Variants in FGD6 observed in about 807,000 individuals in gnomAD.
The protein encoded by FGD6 is FYVE, RhoGEF and PH domain-containing protein 6.
FGD6 carries 90 observed loss-of-function variants against 149.4 expected under a neutral mutation model. That is an observed-to-expected ratio of 0.60 (90% CI 0.51 to 0.72). The LOEUF is 0.72. Among genes scored for constraint, FGD6 ranks in the 30% least tolerant of loss-of-function variants. The pLI is 0.00. For missense variants in FGD6, 1,437 were observed against 1,684.8 expected, an observed-to-expected ratio of 0.85 and a Z score of 2.57; for synonymous variants, 527 against 584.0, an observed-to-expected ratio of 0.90 and a Z score of 1.41.
At position 95,125,754 on chromosome 12, in the gene FGD6, G is replaced by A. The variant is rs185764898; in HGVS notation, c.3082+8985C>T. On this transcript the variant is annotated intron_variant, in intron 8 of 20. Transcript: ENST00000343958. ...AATGAATTCCTTCTCACCGACTGCC[G>A]CCAATATGGTGTTCAGGCACTTCAT... 2.7e-4 allele frequency: 180 copies of A among 658,818 alleles called. 2 individuals are homozygous for A. The Admixed American group carries it at 3.6e-3, about 13-fold the overall frequency. 40.8% of individuals were successfully genotyped at this position (658,818 alleles called of 1,614,324 possible).
intron 1 of FGD6, among the ~76,000 whole-genome samples, chr12:95,212,734 T>C (rs145489869): frequency 2.6e-5 from 4 of 152,332 alleles, no homozygotes; most frequent in East Asian, 1.9e-4. Flanking sequence ...GATATTTCAT[T>C]TGGTGATGAC....
At chr12:95,154,044 CT>C (rs892363466) in intron 3 of FGD6, among the ~76,000 whole-genome samples, 11 of 152,024 alleles carry the variant, frequency 7.2e-5, no homozygotes, top group African/African-American at 2.7e-4. Flanking sequence ...ACTGCAACCT[CT>C]GCCTCCGGGG....
chr12:95,141,040 G>A (rs1354991716), intron 6 of FGD6, among the ~76,000 whole-genome samples: 1 of 152,002 alleles, frequency 6.6e-6, no homozygotes, highest in Non-Finnish European at 1.5e-5. Context: ...TGGCCAACAC[G>A]GTGAAACCTC....
intron 16 of FGD6, among the ~76,000 whole-genome samples, 186 bp from the exon 17 acceptor site, chr12:95,091,995 C>T (rs527508980): frequency 2.0e-5 from 3 of 152,264 alleles, no homozygotes; most frequent in Admixed American, 2.0e-4. Flanking sequence ...TAGTACCACA[C>T]TTGAAAGATG....
At chr12:95,149,789 A>G (rs909927930) in intron 5 of FGD6, among the ~76,000 whole-genome samples, 2 of 142,528 alleles carry the variant, frequency 1.4e-5, no homozygotes, top group African/African-American at 5.3e-5. Context: ...ATAGTATATT[A>G]TATGATATAT....
At chr12:95,149,438 TTA>T (rs1880225116) in intron 5 of FGD6, among the ~76,000 whole-genome samples, 1 of 129,568 alleles carries the variant, frequency 7.7e-6, no homozygotes, top group Admixed American at 9.8e-5. Context: ...ATAGCATATA[TTA>T]TATATAATAC....
intron 2 of FGD6, among the ~76,000 whole-genome samples, chr12:95,176,363 AAAGG>A (rs1466616892): frequency 6.6e-6 from 1 of 152,224 alleles, no homozygotes; most frequent in African/African-American, 2.4e-5. Context: ...TTTGTGGGGT[AAAGG>A]AACAGGACAT....
At chr12:95,099,119 C>T (rs148462100) in intron 14 of FGD6, among the ~76,000 whole-genome samples, 559 of 152,310 alleles carry the variant, frequency 3.7e-3, no homozygotes, top group African/African-American at 6.3e-3. Context: ...TTAAGTGGTC[C>T]GCCTGCCTTG....
At chr12:95,138,468 C>T (rs182331645) in intron 6 of FGD6, among the ~76,000 whole-genome samples, 42 of 151,054 alleles carry the variant, frequency 2.8e-4, no homozygotes, top group Middle Eastern at 3.4e-3. Flanking sequence ...CGCTTGAACC[C>T]GGTAGGTAGA....
chr12:95,094,664 T>C lies in FGD6; in HGVS notation c.3528A>G (p.Glu1176=). Reference sequence around the variant, plus strand: ...ACTCTTCTATTGCCCTGGAAATCGCTTCTAGCCATTCATCCCTTTCTGTGG... The same window carrying C: ...ACTCTTCTATTGCCCTGGAAATCGCCTCTAGCCATTCATCCCTTTCTGTGG... ...SSATERDEWL[E]AISRAIEEYA... Residue 1176 remains glutamate (E), a synonymous_variant, in exon 15 of 21, where the codon GAA becomes GAG. Coordinates refer to ENST00000343958, the MANE Select transcript of FGD6 (RefSeq NM_018351.4). 6.2e-7 allele frequency: 1 copy of C among 1,613,828 alleles called. No individual in the cohort carries two copies. Among genetic ancestry groups the C allele is most frequent in the Non-Finnish European group, 8.5e-7 (1 of 1,179,968 alleles).
intron 2 of FGD6, among the ~76,000 whole-genome samples, chr12:95,195,321 A>C (rs1022978929): frequency 2.6e-5 from 4 of 152,174 alleles, no homozygotes; most frequent in Non-Finnish European, 5.9e-5. Context: ...TCTCTGCCAA[A>C]GAATACTGGC....
chr12:95,095,906 CAG>C (rs1225733184), intron 14 of FGD6, among the ~76,000 whole-genome samples: 5 of 151,620 alleles, frequency 3.3e-5, no homozygotes, highest in African/African-American at 9.7e-5. Context: ...CCCAGCTACT[CAG>C]GGGGCTGAGG....
rs774961606 is a variant in FGD6, at chr12:95,209,614, A to C, written c.1670T>G (p.Met557Arg). 1 of 1,613,746 alleles carries C rather than the reference A, an allele frequency of 6.2e-7. No individual in the cohort carries two copies. Among genetic ancestry groups the C allele is most frequent in the Admixed American group, 1.7e-5 (1 of 59,892 alleles). Residue 557 changes from methionine to arginine, a missense_variant, in exon 2 of 21, where the codon ATG (methionine) becomes AGG (arginine). Transcript: ENST00000343958. Reference protein sequence around the residue: ...QNRGVSSSFDMPKRASEKPVW... With the variant: ...QNRGVSSSFDRPKRASEKPVW... ...TGGCTTTTCTGAAGCCCGTTTAGGC[A>C]TATCAAAGGAGGATGACACACCACG... is the stretch of plus-strand genomic sequence containing the variant.
At chr12:95,092,194 GT>G (rs1320377734) in intron 16 of FGD6, among the ~76,000 whole-genome samples, 1 of 152,116 alleles carries the variant, frequency 6.6e-6, no homozygotes, top group Non-Finnish European at 1.5e-5. Context: ...ACTCTACCAA[GT>G]TTTTGGGCTC....
rs189500026 is a variant in FGD6 at position 95,085,544 on chromosome 12, A to C, written c.4107+236T>G. ...GTAAAGTAATTAGTAGTCACACGAC[A>C]CACACAAAAATTGCATTTTAATAAT... On this transcript the variant is annotated intron_variant, in intron 19 of 20. Transcript: ENST00000343958. 5.9e-5 allele frequency: 30 copies of C among 512,738 alleles called. No homozygotes were observed. The Admixed American group carries it at 8.9e-4, about 15-fold the overall frequency. The allele number at this position is 512,738 out of a possible 1,614,324, so 31.8% of individuals were successfully genotyped here.
intron 2 of FGD6, among the ~76,000 whole-genome samples, chr12:95,205,631 C>G (rs1156387749): frequency 6.6e-6 from 1 of 152,218 alleles, no homozygotes; most frequent in Non-Finnish European, 1.5e-5. Context: ...AAACAGGACC[C>G]TTTGAGCTCA....
intron 2 of FGD6, among the ~76,000 whole-genome samples, chr12:95,193,050 T>C (rs1427800118): frequency 6.6e-6 from 1 of 152,176 alleles, no homozygotes; most frequent in Non-Finnish European, 1.5e-5. Flanking sequence ...ACATCGCTGG[T>C]AGGAAAGCAA....
Position 95,217,438 on chromosome 12 carries a change from G to A in FGD6, c.-198C>T. ...GACCCTGCGGCGCTCCCGGGCGCGA[G>A]CCGCCGGGGTCGGGCGGGCGAGCAC... On this transcript the variant is annotated 5_prime_UTR_variant, in exon 1 of 21. Coordinates refer to ENST00000343958, the MANE Select transcript of FGD6 (RefSeq NM_018351.4). 2.4e-6 allele frequency: 2 copies of A among 833,398 alleles called. No individual in the cohort carries two copies. Among genetic ancestry groups the A allele is most frequent in the Non-Finnish European group, 3.4e-6 (2 of 588,684 alleles). The allele number at this position is 833,398 out of a possible 1,614,324, so 51.6% of individuals were successfully genotyped here. A position where few individuals can be genotyped will look rare whatever the true frequency, so the allele number is the denominator to read the frequency against.
At position 95,106,931 on chromosome 12, in the gene FGD6, AAACAT is replaced by A; in HGVS notation, c.3417+18_3417+22del. 1 of 1,549,284 alleles carries A rather than the reference AAACAT, an allele frequency of 6.5e-7. No individual in the cohort carries two copies. Among genetic ancestry groups the A allele is most frequent in the Non-Finnish European group, 8.9e-7 (1 of 1,128,134 alleles). ...ACAAAACAAAACAAAACAAAAAACA[AAACAT>A]CTAACAGATGCACACACCTTCATTC... On this transcript the variant is annotated intron_variant, in intron 13 of 20. Transcript: ENST00000343958.
Sources: gnomAD v4.1 joint callset for allele counts (sites outside exome capture counted in the v4.1 genomes callset) on GRCh38, gnomAD v4.1.1 for gene constraint, MANE v1.5 for transcripts, NCBI Gene and HGNC (gene_info 2026-07-23, HGNC 2026-07-21) for gene names.